The following CAST variants were observed in gnomAD, a reference collection of about 807,000 sequenced individuals.
CAST encodes calpastatin.
A neutral mutation model predicts 119.6 loss-of-function variants in CAST; 76 were observed. The observed-to-expected ratio is 0.64, with a 90% CI of 0.53 to 0.77. The LOEUF is 0.77. Among genes scored for constraint, CAST ranks in the 30% least tolerant of loss-of-function variants. The pLI is 0.00. For missense variants in CAST, 953 were observed against 946.5 expected, an observed-to-expected ratio of 1.01 and a Z score of -0.09; for synonymous variants, 319 against 331.6, an observed-to-expected ratio of 0.96 and a Z score of 0.41.
chr5:96,541,953 A>G (rs1257888582), intron 1 of CAST, among the ~76,000 whole-genome samples: 3 of 152,200 alleles, frequency 2.0e-5, no homozygotes, highest in African/African-American at 4.8e-5. Flanking sequence ...TTGTGTAGAC[A>G]GCTTTTAAAT....
the CAST span, among the ~76,000 whole-genome samples, chr5:96,095,320 T>C: frequency 6.6e-6 from 1 of 151,830 alleles, no homozygotes; most frequent in Non-Finnish European, 1.5e-5. Context: ...GTGTAGTGGC[T>C]CACCTATAAT....
chr5:96,610,006 T>G (rs1166577512), intron 1 of CAST, among the ~76,000 whole-genome samples: 1 of 152,156 alleles, frequency 6.6e-6, no homozygotes, highest in Non-Finnish European at 1.5e-5. Flanking sequence ...AATCTCATCT[T>G]GAATTATAGC....
At chr5:96,109,593 A>G in the CAST span, among the ~76,000 whole-genome samples, 4 of 152,170 alleles carry the variant, frequency 2.6e-5, no homozygotes, top group African/African-American at 9.7e-5. Context: ...TCACTTGCTA[A>G]TATTTCTGAG....
chr5:96,636,812 G>A (rs1747892728), intron 1 of CAST, among the ~76,000 whole-genome samples: 1 of 152,114 alleles, frequency 6.6e-6, no homozygotes, highest in South Asian at 2.1e-4. Context: ...ATTTGCAGAA[G>A]TGTGGGAAGG....
the CAST span, among the ~76,000 whole-genome samples, chr5:96,518,417 C>T: frequency 8.5e-3 from 1,296 of 152,298 alleles, 31 homozygotes; most frequent in African/African-American, 0.029. Flanking sequence ...CAACACCTTC[C>T]TACTTCAGTG....
At position 96,594,164 on chromosome 5, in the gene CAST, G is replaced by A. The variant is rs564384981; in HGVS notation, c.60+64284G>A. 1.9e-4 allele frequency among the ~76,000 whole-genome samples: 29 copies of A among 152,286 alleles called. 2 individuals carry two copies. The highest frequency in any genetic ancestry group is 7.0e-4 in the African/African-American group (29 of 41,560). ...ATAGAACTTTCTCTGAATGCATAAA[G>A]AAAGCAATGATGTTGTAAGAAACAT... On this transcript the variant is annotated intron_variant, in intron 1 of 11. Coordinates refer to the CAST transcript ENST00000505143.
Position 96,562,167 on chromosome 5 carries a change from G to A in CAST, c.60+32287G>A, listed in dbSNP as rs549801450. Reference sequence around the variant, plus strand: ...TTAAATATAATGGAAAATTTAGAAGGCGTTAATAAAACTTTTCATGCACAC... The same window carrying A: ...TTAAATATAATGGAAAATTTAGAAGACGTTAATAAAACTTTTCATGCACAC... On this transcript the variant is annotated intron_variant, in intron 1 of 11. Transcript: ENST00000505143. 8.0e-5 allele frequency among the ~76,000 whole-genome samples: 12 copies of A among 149,662 alleles called. No homozygotes were observed. The South Asian group carries it at 2.5e-3, about 32-fold the overall frequency.
the CAST span, among the ~76,000 whole-genome samples, chr5:95,972,762 TTATA>T: frequency 6.6e-6 from 1 of 152,360 alleles, no homozygotes; most frequent in Non-Finnish European, 1.5e-5. Context: ...GCTTTTGGTG[TTATA>T]TCTAAGAACT....
At chr5:96,716,205 A>G (rs1757157326) in intron 3 of CAST, among the ~76,000 whole-genome samples, 1 of 152,194 alleles carries the variant, frequency 6.6e-6, no homozygotes, top group Non-Finnish European at 1.5e-5. Flanking sequence ...TTCTTAGAAA[A>G]GCCCCTTGTG....
chr5:96,630,942 A>AT lies in CAST; in HGVS notation c.61-44597_61-44596insT, dbSNP rs1482426392. On this transcript the variant is annotated intron_variant, in intron 1 of 11. Coordinates refer to the CAST transcript ENST00000505143. The stretch of plus-strand genomic sequence containing the variant: ...CAATTGATTCTTGTATACTAAAAAA[A>AT]ATTTTTTTAAATAATCTCTTACAGA... 6.0e-4 allele frequency: 63 copies of AT among 105,162 alleles called. 9 individuals carry two copies. The highest frequency in any genetic ancestry group is 1.8e-3 in the African/African-American group (51 of 28,154). The allele number at this position is 105,162 out of a possible 1,614,324, so 6.5% of individuals were successfully genotyped here. A position where few individuals can be genotyped will look rare whatever the true frequency, so the allele number is the denominator to read the frequency against.
chr5:95,996,253 C>G, the CAST span, among the ~76,000 whole-genome samples: 1 of 152,250 alleles, frequency 6.6e-6, no homozygotes, highest in East Asian at 1.9e-4. Context: ...TCAGCAGTGG[C>G]AGCATCTACA....
Position 96,663,198 on chromosome 5 carries a change from C to T in CAST, c.75+701C>T, listed in dbSNP as rs983081016. ...AGGAGCGGTTGTGCCTGGGCAGGACCCGGAAGGGAGTGTGTTGGAAGGGAG... is the reference window on the plus strand; with the variant it reads ...AGGAGCGGTTGTGCCTGGGCAGGACTCGGAAGGGAGTGTGTTGGAAGGGAG... On this transcript the variant is annotated intron_variant, in intron 1 of 31. Coordinates refer to ENST00000675179, the MANE Select transcript of CAST (RefSeq NM_001750.7). 8.8e-5 allele frequency: 62 copies of T among 702,662 alleles called. No homozygotes were observed. In the East Asian group the frequency reaches 1.2e-3, roughly 13 times the overall value. 43.5% of individuals were successfully genotyped at this position (702,662 alleles called of 1,614,324 possible). A position where few individuals can be genotyped will look rare whatever the true frequency, so the allele number is the denominator to read the frequency against.
upstream of CAST, chr5:96,525,488 C>T (rs1745583305): frequency 6.6e-6 from 1 of 152,180 alleles, no homozygotes; most frequent in African/African-American, 2.4e-5. Context: ...CATCCTTCAG[C>T]TGAGTCATAA....
At chr5:96,372,307 T>C in the CAST span, among the ~76,000 whole-genome samples, 1 of 152,338 alleles carries the variant, frequency 6.6e-6, no homozygotes, top group South Asian at 2.1e-4. Context: ...CAGTCCTTTA[T>C]TTGTTTTTCT....
chr5:96,036,137 G>T, the CAST span, among the ~76,000 whole-genome samples: 1 of 140,904 alleles, frequency 7.1e-6, no homozygotes, highest in African/African-American at 2.7e-5. Flanking sequence ...TTTGTAAAAA[G>T]GGGAGAAATA....
chr5:96,325,461 TTTTTATTTATTTA>T, the CAST span, among the ~76,000 whole-genome samples: 2 of 150,898 alleles, frequency 1.3e-5, no homozygotes, highest in African/African-American at 4.8e-5. Context: ...TTCTTTTATT[TTTTTATTTATTTA>T]TTTTATTTAT....
intron 2 of CAST, among the ~76,000 whole-genome samples, chr5:96,692,545 C>G (rs1227745216): frequency 6.6e-6 from 1 of 152,190 alleles, no homozygotes; most frequent in Non-Finnish European, 1.5e-5. Context: ...TCTTTCTGCT[C>G]CTCCTGCTTA....
the CAST span, among the ~76,000 whole-genome samples, chr5:96,254,535 C>A: frequency 1.3e-5 from 2 of 151,982 alleles, no homozygotes; most frequent in Non-Finnish European, 2.9e-5. Flanking sequence ...TGCAATATTC[C>A]TTTCTTATTT....
chr5:96,284,922 G>C, the CAST span, among the ~76,000 whole-genome samples: 57 of 152,320 alleles, frequency 3.7e-4, no homozygotes, highest in Admixed American at 9.1e-4. Context: ...ACTACCCATA[G>C]TTTGGTTCCT....
Sources: allele counts gnomAD v4.1 joint callset (sites outside exome capture counted in the v4.1 genomes callset), GRCh38; gene constraint gnomAD v4.1.1; transcripts MANE v1.5; gene names NCBI Gene and HGNC (gene_info 2026-07-23, HGNC 2026-07-21).